ASCC3: variants seen among roughly 807,000 people sequenced by gnomAD.
The protein encoded by ASCC3 is activating signal cointegrator 1 complex subunit 3.
A neutral mutation model predicts 256.3 loss-of-function variants in ASCC3; 158 were observed. The observed-to-expected ratio is 0.62, with a 90% CI of 0.54 to 0.70. The LOEUF is 0.70. ASCC3 is among the 30% of genes least tolerant of loss of function. The pLI is 0.00. For synonymous variants in ASCC3, 948 were observed against 883.4 expected, an observed-to-expected ratio of 1.07 and a Z score of -1.30; for missense variants, 2,259 against 2,626.0, an observed-to-expected ratio of 0.86 and a Z score of 3.05.
Position 100,526,979 on chromosome 6 carries a change from C to T in ASCC3, c.5776-8837G>A, listed in dbSNP as rs1476034592. ...AGAAAATCTTAAAAACATTGTAAGA[C>T]TCCACAAACAAAAAATCTCTTTTTC... On this transcript the variant is annotated intron_variant, in intron 37 of 41. Coordinates refer to ENST00000369162, the MANE Select transcript of ASCC3 (RefSeq NM_006828.4). Among the ~76,000 whole-genome samples, 6 of 152,166 alleles carry T rather than the reference C, an allele frequency of 3.9e-5. No individual in the cohort carries two copies. In the East Asian group the frequency reaches 1.2e-3, roughly 29 times the overall value.
intron 36 of ASCC3, among the ~76,000 whole-genome samples, chr6:100,579,430 A>T (rs1265652290): frequency 6.6e-6 from 1 of 152,068 alleles, no homozygotes; most frequent in Non-Finnish European, 1.5e-5. Context: ...GCCTACGTCC[A>T]GAATGGTATT....
At chr6:100,827,702 T>A (rs1174844099) in intron 4 of ASCC3, among the ~76,000 whole-genome samples, 1 of 152,162 alleles carries the variant, frequency 6.6e-6, no homozygotes, top group Non-Finnish European at 1.5e-5. Flanking sequence ...TACAGACAAA[T>A]GCTAACAGGA....
intron 7 of ASCC3, 72 bp downstream of exon 7, chr6:100,799,359 C>A: frequency 2.6e-6 from 4 of 1,548,236 alleles, no homozygotes; most frequent in Non-Finnish European, 3.5e-6. Context: ...CACGAAGGAA[C>A]AGGGAAAATC....
intron 30 of ASCC3, among the ~76,000 whole-genome samples, chr6:100,620,246 G>T (rs1773881289): frequency 6.6e-6 from 1 of 152,140 alleles, no homozygotes; most frequent in South Asian, 2.1e-4. Flanking sequence ...ATAGCTTGAG[G>T]TTAGTGGCAG....
intron 14 of ASCC3, among the ~76,000 whole-genome samples, chr6:100,664,386 C>T (rs1776371595): frequency 6.6e-6 from 1 of 151,918 alleles, no homozygotes; most frequent in Non-Finnish European, 1.5e-5. Flanking sequence ...ATAAAATTAT[C>T]TAAGAAAATA....
At chr6:100,573,091 G>T (rs546418778) in intron 36 of ASCC3, among the ~76,000 whole-genome samples, 1 of 152,118 alleles carries the variant, frequency 6.6e-6, no homozygotes, top group East Asian at 1.9e-4. Context: ...TCTGCTTATA[G>T]TGGGTTGGAT....
At chr6:100,872,470 G>GGA (rs1554251073) in intron 1 of ASCC3, among the ~76,000 whole-genome samples, 1 of 125,432 alleles carries the variant, frequency 8.0e-6, no homozygotes, top group Non-Finnish European at 1.7e-5. Context: ...AAAAAGGGTC[G>GGA]GGGGGGGATC....
At chr6:100,575,815 G>T (rs1249476534) in intron 36 of ASCC3, among the ~76,000 whole-genome samples, 1 of 151,822 alleles carries the variant, frequency 6.6e-6, no homozygotes, top group Non-Finnish European at 1.5e-5. Context: ...TAAAAAATCT[G>T]TTCAAAAAAA....
At chr6:100,560,744 G>A (rs1264675090) in intron 36 of ASCC3, among the ~76,000 whole-genome samples, 1 of 127,488 alleles carries the variant, frequency 7.8e-6, no homozygotes, top group African/African-American at 3.5e-5. Context: ...AAACATCTTA[G>A]AGGAACACAC....
intron 4 of ASCC3, among the ~76,000 whole-genome samples, chr6:100,828,997 C>A (rs887004724): frequency 1.3e-5 from 2 of 152,110 alleles, no homozygotes; most frequent in Non-Finnish European, 2.9e-5. Context: ...GAGCTAGACA[C>A]AAAGGTTCTC....
intron 14 of ASCC3, among the ~76,000 whole-genome samples, chr6:100,677,652 G>T (rs1777092563): frequency 6.6e-6 from 1 of 151,942 alleles, no homozygotes; most frequent in Admixed American, 6.6e-5. Flanking sequence ...AAGAAAAAAA[G>T]TAATTCTGGG....
Position 100,540,203 on chromosome 6 carries a change from T to A in ASCC3, c.5735A>T (p.Asp1912Val). ...AMLPCPDYDTDTKTVLDQALR... is the reference protein window; with the variant it reads ...AMLPCPDYDTVTKTVLDQALR... The stretch of plus-strand genomic sequence containing the variant: ...AGCTTGGTCCAAGACTGTTTTGGTA[T>A]CAGTGTCATAATCTGGGCAGGGTAG... Residue 1912 changes from aspartate (D) to valine (V), a missense_variant, in exon 37 of 42, where the codon GAT (aspartate) becomes GTT (valine). Physicochemically the swap from Asp to Val is radical, Grantham distance 152 (BLOSUM62 -3). This residue lies in a region of ASCC3 where 1,839 missense variants were observed against 2,206.7 expected (regional missense o/e 0.83). Transcript: ENST00000369162. The A allele has an allele frequency of 6.2e-7, 1 of 1,614,122 alleles. No homozygotes were observed. The highest frequency in any genetic ancestry group is 8.5e-7 in the Non-Finnish European group (1 of 1,180,002).
At chr6:100,662,592 A>G in intron 14 of ASCC3, 56 bp from the exon 15 acceptor site, 1 of 1,553,820 alleles carries the variant, frequency 6.4e-7, no homozygotes, top group Non-Finnish European at 8.9e-7. Context: ...AATTGTTTTT[A>G]GCATTTCTGT....
At chr6:100,585,052 T>C (rs550064515) in intron 36 of ASCC3, among the ~76,000 whole-genome samples, 4,581 of 152,264 alleles carry the variant, frequency 0.03, 87 homozygotes, top group Middle Eastern at 0.048. Context: ...CTGACACTTA[T>C]GTGTCTTGGA....
At chr6:100,872,703 A>C (rs980252312) in intron 1 of ASCC3, among the ~76,000 whole-genome samples, 2 of 152,164 alleles carry the variant, frequency 1.3e-5, no homozygotes, top group African/African-American at 4.8e-5. Flanking sequence ...CAGACGGTTC[A>C]CATCACAGGT....
intron 39 of ASCC3, among the ~76,000 whole-genome samples, chr6:100,513,800 A>G (rs1490655868): frequency 1.3e-5 from 2 of 152,140 alleles, no homozygotes; most frequent in African/African-American, 4.8e-5. Flanking sequence ...GAATGAGAAT[A>G]CCTAGGTCTA....
At chr6:100,641,906 C>T (rs181022200) in intron 24 of ASCC3, among the ~76,000 whole-genome samples, 15 of 151,594 alleles carry the variant, frequency 9.9e-5, no homozygotes, top group African/African-American at 2.9e-4. Context: ...AGTAAACTAT[C>T]GCAAGGACAA....
chr6:100,848,766 C>A (rs1772515256), intron 3 of ASCC3, 59 bp from the exon 4 acceptor site: 6 of 1,547,920 alleles, frequency 3.9e-6, no homozygotes, highest in Non-Finnish European at 5.3e-6. Context: ...AAGTTACGAT[C>A]TTCCAAAAAA....
chr6:100,709,556 A>G (rs1778772156), intron 13 of ASCC3, among the ~76,000 whole-genome samples: 1 of 152,196 alleles, frequency 6.6e-6, no homozygotes, highest in African/African-American at 2.4e-5. Flanking sequence ...TGGGAAGGTT[A>G]AAAGTCCAAA....
Sources: allele counts gnomAD v4.1 joint callset (sites outside exome capture counted in the v4.1 genomes callset), GRCh38; gene constraint gnomAD v4.1.1; regional missense constraint gnomAD v4.1.1; transcripts MANE v1.5; gene names NCBI Gene and HGNC (gene_info 2026-07-23, HGNC 2026-07-21).